The following GULP1 variants were observed in gnomAD, a reference collection of about 807,000 sequenced individuals.
The protein encoded by GULP1 is GULP PTB domain containing engulfment adaptor 1.
In GULP1, 19 loss-of-function variants were observed where a neutral mutation model predicts 40.9. The observed-to-expected ratio is 0.46, with a 90% confidence interval of 0.32 to 0.68. The LOEUF (loss-of-function observed/expected upper bound fraction) is 0.68. GULP1 is among the 30% of genes least tolerant of loss of function. GULP1 has a pLI of 0.03. For synonymous variants in GULP1, 119 were observed against 117.6 expected, an observed-to-expected ratio of 1.01 and a Z score of -0.08; for missense variants, 312 against 362.2, an observed-to-expected ratio of 0.86 and a Z score of 1.12.
chr2:188,305,480 G>A (rs543524742), intron 1 of GULP1, among the ~76,000 whole-genome samples: 1 of 152,284 alleles, frequency 6.6e-6, no homozygotes, highest in Non-Finnish European at 1.5e-5. Context: ...TAGGGTATGG[G>A]GGAGGACTCT....
intron 6 of GULP1, among the ~76,000 whole-genome samples, chr2:188,533,751 G>T (rs766067043): frequency 4.0e-5 from 6 of 151,872 alleles, no homozygotes; most frequent in Admixed American, 6.6e-5. Flanking sequence ...TCTAATATCC[G>T]GAATCTATAA....
chr2:188,522,436 T>G (rs1412577343), intron 4 of GULP1, among the ~76,000 whole-genome samples: 2 of 152,088 alleles, frequency 1.3e-5, no homozygotes, highest in African/African-American at 4.8e-5. Context: ...GTTTACTAAA[T>G]TTTAACTGTT....
In GULP1 at chr2:188,416,385, T is replaced by TG. The variant is rs926394155; in HGVS notation, c.-45+32497dup. On this transcript the variant is annotated intron_variant, in intron 2 of 11. Coordinates refer to ENST00000409830, the MANE Select transcript of GULP1 (RefSeq NM_016315.4). ...CATTGAATTGTACATTTTCAATGACTGAAATCACTGAATTGTACATTTTCA... is the reference window on the plus strand; with the variant it reads ...CATTGAATTGTACATTTTCAATGACTGGAAATCACTGAATTGTACATTTTCA... Among the ~76,000 whole-genome samples, 5 of 152,304 alleles carry TG rather than the reference T, an allele frequency of 3.3e-5. No individual in the cohort carries two copies. The South Asian group carries it at 8.3e-4, about 25-fold the overall frequency.
At chr2:188,357,198 T>A (rs992486271) in intron 1 of GULP1, among the ~76,000 whole-genome samples, 5 of 151,910 alleles carry the variant, frequency 3.3e-5, no homozygotes, top group Admixed American at 6.6e-5. Flanking sequence ...GAAACAAAAA[T>A]AGACAAATGG....
rs1289337298 is a variant in GULP1, at chr2:188,460,976, G to A, written c.-44-16683G>A. The stretch of plus-strand genomic sequence containing the variant: ...ATGTTAAACCATTATTGCATCCTAA[G>A]GGTAAATCCCACTTGGTCATGATGA... On this transcript the variant is annotated intron_variant, in intron 2 of 11. Transcript: ENST00000409830. Among the ~76,000 whole-genome samples, 4 of 152,188 alleles carry A rather than the reference G, an allele frequency of 2.6e-5. No individual in the cohort carries two copies. In the South Asian group the frequency reaches 6.2e-4, roughly 24 times the overall value.
intron 4 of GULP1, among the ~76,000 whole-genome samples, chr2:188,514,777 A>G (rs2065010829): frequency 1.3e-5 from 2 of 152,226 alleles, no homozygotes; most frequent in South Asian, 4.1e-4. Context: ...ATATTCCTGT[A>G]TGCCTCTTTC....
At chr2:188,505,632 G>C (rs1022658259) in intron 4 of GULP1, among the ~76,000 whole-genome samples, 1 of 151,668 alleles carries the variant, frequency 6.6e-6, no homozygotes, top group African/African-American at 2.4e-5. Context: ...CAAGTCCTTG[G>C]TCCATTCAGT....
At chr2:188,403,759 T>A (rs2052651704) in intron 2 of GULP1, among the ~76,000 whole-genome samples, 1 of 152,114 alleles carries the variant, frequency 6.6e-6, no homozygotes, top group Non-Finnish European at 1.5e-5. Context: ...GGCTCCTGAT[T>A]TTTGGAATAG....
chr2:188,417,782 T>G (rs925392263), intron 2 of GULP1, among the ~76,000 whole-genome samples: 1 of 151,966 alleles, frequency 6.6e-6, no homozygotes, highest in Non-Finnish European at 1.5e-5. Context: ...TCATTTGTAT[T>G]TTTTTATTTG....
chr2:188,337,848 T>A (rs927528732), intron 1 of GULP1, among the ~76,000 whole-genome samples: 3 of 152,132 alleles, frequency 2.0e-5, no homozygotes, highest in African/African-American at 7.2e-5. Context: ...TTACATTGTT[T>A]GTGAGTAAGA....
At chr2:188,350,293 T>C (rs368043195) in intron 1 of GULP1, among the ~76,000 whole-genome samples, 1 of 152,244 alleles carries the variant, frequency 6.6e-6, no homozygotes, top group East Asian at 1.9e-4. Context: ...TTGGAAAATA[T>C]TGCCATTTTA....
chr2:188,303,555 CTG>C (rs758923815), intron 1 of GULP1, among the ~76,000 whole-genome samples: 7 of 152,126 alleles, frequency 4.6e-5, no homozygotes, highest in Non-Finnish European at 1.0e-4. Flanking sequence ...TGCAGTAAAG[CTG>C]TGTGGCAACC....
intron 2 of GULP1, among the ~76,000 whole-genome samples, chr2:188,401,680 T>G (rs2052318598): frequency 6.6e-6 from 1 of 152,162 alleles, no homozygotes; most frequent in Non-Finnish European, 1.5e-5. Flanking sequence ...TAGTATTGTA[T>G]GTCCTTAGGT....
chr2:188,492,910 T>C (rs1261675782), intron 4 of GULP1, among the ~76,000 whole-genome samples: 2 of 152,090 alleles, frequency 1.3e-5, no homozygotes, highest in African/African-American at 4.8e-5. Context: ...ACATGAATGA[T>C]GAAGTGAATA....
intron 4 of GULP1, among the ~76,000 whole-genome samples, chr2:188,489,139 A>T (rs2062121558): frequency 6.6e-6 from 1 of 152,072 alleles, no homozygotes; most frequent in Admixed American, 6.6e-5. Context: ...AATGACATCT[A>T]TTAGTGTGTC....
At chr2:188,444,312 A>G (rs1224380768) in intron 2 of GULP1, among the ~76,000 whole-genome samples, 1 of 152,212 alleles carries the variant, frequency 6.6e-6, no homozygotes, top group Non-Finnish European at 1.5e-5. Flanking sequence ...GAGATAATTC[A>G]TATGTTAAGT....
intron 1 of GULP1, among the ~76,000 whole-genome samples, chr2:188,340,127 T>C (rs371426094): frequency 2.4e-4 from 36 of 152,284 alleles, no homozygotes; most frequent in East Asian, 2.3e-3. Flanking sequence ...TACGAAATGA[T>C]GAAATGAAAG....
At chr2:188,439,869 A>G (rs2152858819) in intron 2 of GULP1, among the ~76,000 whole-genome samples, 1 of 152,320 alleles carries the variant, frequency 6.6e-6, no homozygotes, top group African/African-American at 2.4e-5. Flanking sequence ...GATGCAGGAA[A>G]AGCATTAATT....
At chr2:188,383,735 C>T (rs1268925438) in intron 1 of GULP1, 28 bp from the exon 2 acceptor site, 1 of 152,100 alleles carries the variant, frequency 6.6e-6, no homozygotes, top group Non-Finnish European at 1.5e-5. Flanking sequence ...TTGATTAATT[C>T]TAAGTCCAAT....
Sources: allele counts gnomAD v4.1 joint callset (sites outside exome capture counted in the v4.1 genomes callset), GRCh38; gene constraint gnomAD v4.1.1; transcripts MANE v1.5; gene names NCBI Gene and HGNC (gene_info 2026-07-23, HGNC 2026-07-21).